The following MYO3A variants were observed in gnomAD, a reference collection of about 807,000 sequenced individuals.
MYO3A encodes myosin-IIIa.
In MYO3A, 180 loss-of-function variants were observed where a neutral mutation model predicts 192.7. The observed-to-expected ratio is 0.93, with a 90% CI of 0.83 to 1.06. The LOEUF (loss-of-function observed/expected upper bound fraction) is 1.06. MYO3A is among the 50% of genes least tolerant of loss of function. MYO3A has a pLI of 0.00. For synonymous variants in MYO3A, 628 were observed against 645.3 expected (o/e 0.97, Z 0.41); for missense variants, 1,896 against 1,905.0 (o/e 1.00, Z 0.09).
chr10:26,202,978 T>G lies in MYO3A; in HGVS notation c.4601T>G (p.Leu1534Ter). ...TTCATTTACAGTCAGGGAAAATTAT[T>G]AGATTTGGAAGATTTCTATTATAAG... ...RPRKDSQGKL[L>*]DLEDFYYKEF... is the part of the protein sequence containing the mutation. Residue 1534 changes from leucine to a stop codon, truncating the protein, a stop_gained, in exon 34 of 35, where the codon TTA (leucine) becomes TGA (stop). Coordinates refer to ENST00000642920, the MANE Select transcript of MYO3A (RefSeq NM_017433.5). LOFTEE classifies it high-confidence loss of function. 2 of 1,613,674 alleles carry G rather than the reference T, an allele frequency of 1.2e-6. No individual in the cohort carries two copies. The highest frequency in any genetic ancestry group is 1.1e-5 in the South Asian group (1 of 91,052).
chr10:26,176,793 C>CT lies in MYO3A; in HGVS notation c.4387dup (p.Ser1463PhefsTer4). 1 of 1,614,118 alleles carries CT rather than the reference C, an allele frequency of 6.2e-7. No individual in the cohort carries two copies. The highest frequency in any genetic ancestry group is 8.5e-7 in the Non-Finnish European group (1 of 1,179,988). On this transcript the variant is annotated frameshift_variant, in exon 31 of 35. Transcript: ENST00000642920. LOFTEE classifies it high-confidence loss of function. ...AACTGAAGTCACTTTATCTGGGTGT[C>CT]TCGCACCATAAGCCAATTAATAGAC...
At chr10:26,175,841 A>C (rs1449118990) in intron 30 of MYO3A, among the ~76,000 whole-genome samples, 1 of 152,212 alleles carries the variant, frequency 6.6e-6, no homozygotes. Context: ...GAGTAAATTC[A>C]CTGCTCCATG....
chr10:26,186,677 CT>C (rs1296771175), intron 31 of MYO3A, among the ~76,000 whole-genome samples: 1 of 152,102 alleles, frequency 6.6e-6, no homozygotes, highest in Non-Finnish European at 1.5e-5. Context: ...TGCTTATTTG[CT>C]TTTTGGATTT....
intron 7 of MYO3A, among the ~76,000 whole-genome samples, chr10:26,018,048 T>C (rs566952836): frequency 6.6e-6 from 1 of 151,016 alleles, no homozygotes; most frequent in East Asian, 1.9e-4. Flanking sequence ...TTTATGGGTT[T>C]TGTATGTTTA....
rs1837033109 is a variant in MYO3A, at chr10:26,096,367, A to G, written c.1563-14A>G. 1 of 1,554,450 alleles carries G rather than the reference A, an allele frequency of 6.4e-7. No homozygotes were observed. The highest frequency in any genetic ancestry group is 8.9e-7 in the Non-Finnish European group (1 of 1,128,156). ...TCTTACTAACTACCTTACTGTAAAT[A>G]TCTTTTTTTCCAGTGGAGAAAAAAA... On this transcript the variant is annotated splice_polypyrimidine_tract_variant and intron_variant, in intron 15 of 34. Transcript: ENST00000642920.
At chr10:26,185,498 C>T (rs1316429502) in intron 31 of MYO3A, among the ~76,000 whole-genome samples, 4 of 151,674 alleles carry the variant, frequency 2.6e-5, no homozygotes, top group Admixed American at 1.3e-4. Flanking sequence ...TGCCACCATG[C>T]CCGGCTAAAT....
chr10:26,141,244 G>A (rs1032645397), intron 20 of MYO3A, among the ~76,000 whole-genome samples: 4 of 152,132 alleles, frequency 2.6e-5, no homozygotes, highest in Non-Finnish European at 4.4e-5. Flanking sequence ...TATTTTTAAT[G>A]TACAGGGCAG....
At chr10:25,956,408 G>T (rs114880702) in intron 4 of MYO3A, among the ~76,000 whole-genome samples, 1,699 of 149,296 alleles carry the variant, frequency 0.011, 38 homozygotes, top group African/African-American at 0.037. Context: ...TCAGCTCACT[G>T]CAACAGCCTC....
At chr10:26,086,676 C>T (rs1003468407) in intron 14 of MYO3A, among the ~76,000 whole-genome samples, 2 of 152,018 alleles carry the variant, frequency 1.3e-5, no homozygotes, top group African/African-American at 4.8e-5. Context: ...CCTTTTCTTC[C>T]CCCTTGCCCA....
intron 10 of MYO3A, among the ~76,000 whole-genome samples, chr10:26,053,454 A>C (rs1454722627): frequency 6.6e-6 from 1 of 152,210 alleles, no homozygotes; most frequent in Non-Finnish European, 1.5e-5. Flanking sequence ...GAACTTACAT[A>C]CTTATTGGAA....
At chr10:26,122,317 T>C (rs1838921614) in intron 18 of MYO3A, among the ~76,000 whole-genome samples, 1 of 152,228 alleles carries the variant, frequency 6.6e-6, no homozygotes, top group Non-Finnish European at 1.5e-5. Flanking sequence ...AAAATTAACA[T>C]ACTTTCTGGA....
At chr10:26,146,389 A>C (rs1202430413) in intron 22 of MYO3A, among the ~76,000 whole-genome samples, 21 of 152,256 alleles carry the variant, frequency 1.4e-4, no homozygotes, top group Admixed American at 1.4e-3. Flanking sequence ...TCGGGCTGCC[A>C]TAACAAAAAT....
intron 17 of MYO3A, among the ~76,000 whole-genome samples, chr10:26,109,947 G>A (rs1022864142): frequency 2.0e-5 from 3 of 152,218 alleles, no homozygotes; most frequent in East Asian, 1.9e-4. Flanking sequence ...GGACCAGAGC[G>A]GGAGTTATTG....
intron 14 of MYO3A, among the ~76,000 whole-genome samples, chr10:26,073,078 G>A (rs1293460265): frequency 1.3e-5 from 2 of 151,644 alleles, no homozygotes; most frequent in Non-Finnish European, 2.9e-5. Flanking sequence ...TTAAAAGTTA[G>A]CCAGGCATGA....
intron 14 of MYO3A, among the ~76,000 whole-genome samples, chr10:26,081,143 C>CG (rs938715896): frequency 1.1e-5 from 1 of 90,364 alleles, no homozygotes. Flanking sequence ...TCCCCCCCCC[C>CG]CCGCCCCCGC....
Position 26,145,521 on chromosome 10 carries a change from A to T in MYO3A, c.2492A>T (p.His831Leu). ...ATGGAACTTAGTTTTGGAATTCACC[A>T]TTATGCAGGAAAGGTAAGAACTCTA... Reference protein sequence around the residue: ...KRMELSFGIHHYAGKVLYNAS... With the variant: ...KRMELSFGIHLYAGKVLYNAS... Residue 831 changes from histidine to leucine, a missense_variant, in exon 22 of 35, where the codon CAT becomes CTT. Coordinates refer to ENST00000642920, the MANE Select transcript of MYO3A (RefSeq NM_017433.5). 1 of 1,599,508 alleles carries T rather than the reference A, an allele frequency of 6.3e-7. No individual in the cohort carries two copies. Among genetic ancestry groups the T allele is most frequent in the South Asian group, 1.1e-5 (1 of 90,762 alleles).
chr10:26,015,374 T>C (rs1049287651), intron 6 of MYO3A, among the ~76,000 whole-genome samples: 2 of 152,198 alleles, frequency 1.3e-5, no homozygotes, highest in South Asian at 4.1e-4. Flanking sequence ...ATTTTCCTAA[T>C]CTTCTTTACT....
At chr10:26,163,041 C>T (rs1239496675) in intron 26 of MYO3A, among the ~76,000 whole-genome samples, 1 of 152,222 alleles carries the variant, frequency 6.6e-6, no homozygotes, top group Non-Finnish European at 1.5e-5. Flanking sequence ...AAACATGGCC[C>T]TCTGGCACAA....
Position 26,125,448 on chromosome 10 carries a change from T to A in MYO3A, c.1954T>A (p.Ser652Thr). The A allele has an allele frequency of 6.2e-7, 1 of 1,614,058 alleles. No homozygotes were observed. Among genetic ancestry groups the A allele is most frequent in the Non-Finnish European group, 8.5e-7 (1 of 1,179,940 alleles). Reference sequence around the variant, plus strand: ...AGATGAGCTACAAGAAGCTCTCACCTCCCACTGTGTGGTCACTAGAGGAGA... The same window carrying A: ...AGATGAGCTACAAGAAGCTCTCACCACCCACTGTGTGGTCACTAGAGGAGA... ...RADELQEALT[S>T]HCVVTRGETI... is the part of the protein sequence containing the mutation. Residue 652 changes from serine to threonine, a missense_variant, in exon 19 of 35, where the codon TCC (serine) becomes ACC (threonine). Physicochemically the swap from Ser to Thr is moderately conservative, Grantham distance 58 (BLOSUM62 1). Coordinates refer to ENST00000642920, the MANE Select transcript of MYO3A (RefSeq NM_017433.5).
Sources: gnomAD v4.1 joint callset for allele counts (sites outside exome capture counted in the v4.1 genomes callset) on GRCh38, gnomAD v4.1.1 for gene constraint, MANE v1.5 for transcripts, NCBI Gene and HGNC (gene_info 2026-07-23, HGNC 2026-07-21) for gene names.